KCNAB1: variants seen among roughly 807,000 people sequenced by gnomAD.
The protein encoded by KCNAB1 is voltage-gated potassium channel subunit beta-1.
Under a neutral mutation model 64.6 loss-of-function variants are expected in KCNAB1, and 35 were observed. The ratio of observed to expected loss-of-function variants is 0.54; its 90% CI spans 0.41 to 0.72. The LOEUF (loss-of-function observed/expected upper bound fraction) is 0.72. KCNAB1 is among the 30% of genes least tolerant of loss of function. KCNAB1 has a pLI of 0.00. For missense variants in KCNAB1, 401 were observed against 512.9 expected, an observed-to-expected ratio of 0.78 and a Z score of 2.11; for synonymous variants, 177 against 183.8, an observed-to-expected ratio of 0.96 and a Z score of 0.30.
At chr3:156,266,017 A>T (rs1368556145) in intron 1 of KCNAB1, among the ~76,000 whole-genome samples, 1 of 152,122 alleles carries the variant, frequency 6.6e-6, no homozygotes, top group Non-Finnish European at 1.5e-5. Flanking sequence ...AAACAAAAAA[A>T]ACTGTGAATA....
At chr3:156,132,755 C>T (rs1437114608) in intron 1 of KCNAB1, among the ~76,000 whole-genome samples, 1 of 152,188 alleles carries the variant, frequency 6.6e-6, no homozygotes, top group African/African-American at 2.4e-5. Context: ...AATCATTACA[C>T]ATGTTTTTCT....
At chr3:156,125,147 A>C (rs1214253280) in intron 1 of KCNAB1, among the ~76,000 whole-genome samples, 1 of 152,102 alleles carries the variant, frequency 6.6e-6, no homozygotes, top group Non-Finnish European at 1.5e-5. Flanking sequence ...AAAAAAAAAA[A>C]AGAACCATTG....
At chr3:156,478,611 G>T (rs959824443) in intron 8 of KCNAB1, among the ~76,000 whole-genome samples, 18 of 152,110 alleles carry the variant, frequency 1.2e-4, no homozygotes, top group Admixed American at 6.6e-4. Flanking sequence ...CCCACAATGA[G>T]CATCGCTAAG....
chr3:156,432,961 C>T (rs1716336066), intron 2 of KCNAB1, among the ~76,000 whole-genome samples: 1 of 152,126 alleles, frequency 6.6e-6, no homozygotes, highest in African/African-American at 2.4e-5. Flanking sequence ...CTGTCCTGGC[C>T]CTGCTGATGG....
chr3:156,318,527 C>A (rs1277718279), intron 1 of KCNAB1, among the ~76,000 whole-genome samples: 2 of 152,142 alleles, frequency 1.3e-5, no homozygotes, highest in Non-Finnish European at 2.9e-5. Flanking sequence ...GAAATCTTCT[C>A]AAATGTCAAC....
At chr3:156,438,930 CT>C (rs1716786657) in intron 2 of KCNAB1, among the ~76,000 whole-genome samples, 1 of 152,092 alleles carries the variant, frequency 6.6e-6, no homozygotes, top group Admixed American at 6.5e-5. Context: ...AGGAGAATCG[CT>C]TGAACCCGGG....
At chr3:156,148,295 T>G (rs989634995) in intron 1 of KCNAB1, among the ~76,000 whole-genome samples, 31 of 152,330 alleles carry the variant, frequency 2.0e-4, no homozygotes, top group African/African-American at 7.2e-4. Flanking sequence ...GTGTGTATCT[T>G]ATTGTCAAAA....
rs148053725 is a variant in KCNAB1 at position 156,246,165 on chromosome 3, C to A, written c.275+125279C>A. Among the ~76,000 whole-genome samples the A allele has an allele frequency of 2.7e-3, 405 of 152,204 alleles. 1 individual carries two copies. Among genetic ancestry groups the A allele is most frequent in the African/African-American group, 9.2e-3 (383 of 41,524 alleles). ...CCTATAATCATAGCTGGTAGTTGGG[C>A]ACTCAGATAATTAAATTGCCCCAAT... is the stretch of plus-strand genomic sequence containing the variant. On this transcript the variant is annotated intron_variant, in intron 1 of 13. Coordinates refer to ENST00000490337, the MANE Select transcript of KCNAB1 (RefSeq NM_172160.3).
chr3:156,297,259 CTTTTTTTTTTTT>C (rs71141704), intron 1 of KCNAB1, among the ~76,000 whole-genome samples: 21,089 of 96,810 alleles, frequency 0.22, 4,223 homozygotes, highest in African/African-American at 0.52. Flanking sequence ...TTGAGGTTGG[CTTTTTTTTTTTT>C]TTTTTTTTTT....
At position 156,215,224 on chromosome 3, in the gene KCNAB1, A is replaced by G. The variant is rs545377210; in HGVS notation, c.275+94338A>G. On this transcript the variant is annotated intron_variant, in intron 1 of 13. Transcript: ENST00000490337. ...GGTAACTTGCAGAATGTATTCAGAT[A>G]TTAATGGCAGAGGTGGGAGTCAAAC... 3.3e-5 allele frequency among the ~76,000 whole-genome samples: 5 copies of G among 152,356 alleles called. No homozygotes were observed. The South Asian group carries it at 6.2e-4, about 19-fold the overall frequency.
intron 8 of KCNAB1, among the ~76,000 whole-genome samples, chr3:156,487,512 T>C (rs1255619379): frequency 6.6e-6 from 1 of 152,156 alleles, no homozygotes; most frequent in African/African-American, 2.4e-5. Context: ...TGTGTCTAGC[T>C]CCAGTGAAGC....
intron 1 of KCNAB1, among the ~76,000 whole-genome samples, chr3:156,296,014 C>T (rs1355266880): frequency 1.3e-5 from 2 of 152,190 alleles, no homozygotes; most frequent in Non-Finnish European, 2.9e-5. Flanking sequence ...ATTTCACTCT[C>T]AGAGTTTCAT....
chr3:156,459,550 C>T (rs1712731707), intron 4 of KCNAB1, among the ~76,000 whole-genome samples: 1 of 152,054 alleles, frequency 6.6e-6, no homozygotes, highest in Admixed American at 6.6e-5. Flanking sequence ...TTCAAAAACA[C>T]CAAACTGCAA....
intron 1 of KCNAB1, among the ~76,000 whole-genome samples, chr3:156,303,313 T>G (rs1035388200): frequency 2.6e-5 from 4 of 152,182 alleles, no homozygotes; most frequent in African/African-American, 9.7e-5. Flanking sequence ...GCATTATATC[T>G]GGGGAGAAAT....
intron 1 of KCNAB1, among the ~76,000 whole-genome samples, chr3:156,172,528 C>T (rs540586867): frequency 1.3e-5 from 2 of 152,316 alleles, no homozygotes; most frequent in African/African-American, 4.8e-5. Context: ...AATCCACCCT[C>T]CTCGGCCTTC....
chr3:156,236,849 G>A (rs1430042158), intron 1 of KCNAB1, among the ~76,000 whole-genome samples: 2 of 152,068 alleles, frequency 1.3e-5, no homozygotes, highest in African/African-American at 4.8e-5. Context: ...TAAGGCTGTA[G>A]GATTCTAGCT....
intron 1 of KCNAB1, among the ~76,000 whole-genome samples, chr3:156,167,842 G>C (rs965382502): frequency 6.6e-6 from 1 of 152,150 alleles, no homozygotes; most frequent in Non-Finnish European, 1.5e-5. Flanking sequence ...AGCCTCTTAG[G>C]ATCTCATTTT....
chr3:156,360,735 A>T (rs748450234), intron 1 of KCNAB1, among the ~76,000 whole-genome samples: 2 of 151,964 alleles, frequency 1.3e-5, no homozygotes, highest in Non-Finnish European at 2.9e-5. Context: ...TTAAAAAAAA[A>T]AAAAAGAAAA....
chr3:156,357,372 A>C (rs1451127809), intron 1 of KCNAB1, among the ~76,000 whole-genome samples: 2 of 152,220 alleles, frequency 1.3e-5, no homozygotes, highest in Non-Finnish European at 2.9e-5. Context: ...GCTGTAAGAG[A>C]AAATTTTTTA....
Sources: allele counts gnomAD v4.1 joint callset (sites outside exome capture counted in the v4.1 genomes callset), GRCh38; gene constraint gnomAD v4.1.1; transcripts MANE v1.5; gene names NCBI Gene and HGNC (gene_info 2026-07-23, HGNC 2026-07-21).